The following FSIP2 variants were observed in gnomAD, a reference collection of about 807,000 sequenced individuals.
The protein encoded by FSIP2 is fibrous sheath-interacting protein 2.
In FSIP2, 367 loss-of-function variants were observed where a neutral mutation model predicts 510.5. The ratio of observed to expected loss-of-function variants is 0.72; its 90% confidence interval spans 0.66 to 0.78. FSIP2 has a LOEUF of 0.78. Among genes scored for constraint, FSIP2 ranks in the 30% least tolerant of loss-of-function variants. The pLI is 0.00. For synonymous variants in FSIP2, 2,601 were observed against 2,732.2 expected, an observed-to-expected ratio of 0.95 and a Z score of 1.50; for missense variants, 7,594 against 7,901.7, an observed-to-expected ratio of 0.96 and a Z score of 1.48.
chr2:185,770,499 G>A (rs1284327504), intron 13 of FSIP2, among the ~76,000 whole-genome samples: 2 of 152,026 alleles, frequency 1.3e-5, no homozygotes, highest in Admixed American at 6.6e-5. Flanking sequence ...TGGGTGCCAC[G>A]CTCTTAAACA....
chr2:185,757,965 T>G (rs1422423715), intron 9 of FSIP2, among the ~76,000 whole-genome samples: 2 of 151,140 alleles, frequency 1.3e-5, no homozygotes, highest in East Asian at 2.0e-4. Context: ...CTCCAACTAA[T>G]AATCCCAGAT....
chr2:185,796,461 A>G lies in FSIP2; in HGVS notation c.9325A>G (p.Ile3109Val). Residue 3109 changes from isoleucine (I) to valine (V), a missense_variant, in exon 16 of 23, where the codon ATT (isoleucine) becomes GTT (valine). Ile to Val is a conservative substitution (Grantham distance 29, BLOSUM62 3). Coordinates refer to ENST00000424728, the MANE Select transcript of FSIP2 (RefSeq NM_173651.4). ...NEISQMEPSS[I>V]SILKENIVAS... ...AATAAGCCAAATGGAACCATCTTCA[A>G]TTAGCATATTGAAAGAGAACATTGT... 1 of 1,535,026 alleles carries G rather than the reference A, an allele frequency of 6.5e-7. No individual in the cohort carries two copies. The highest frequency in any genetic ancestry group is 8.7e-7 in the Non-Finnish European group (1 of 1,146,224).
At position 185,797,107 on chromosome 2, in the gene FSIP2, T is replaced by G. The variant is rs1350261407; in HGVS notation, c.9971T>G (p.Leu3324Arg). Residue 3324 changes from leucine to arginine, a missense_variant, in exon 16 of 23, where the codon CTC becomes CGC. Physicochemically the swap from Leu to Arg is moderately radical, Grantham distance 102. Coordinates refer to ENST00000424728, the MANE Select transcript of FSIP2 (RefSeq NM_173651.4). Reference protein sequence around the residue: ...PNQIQTTISPLKICLAAENIV... With the variant: ...PNQIQTTISPRKICLAAENIV... ...CAAATTCAGACAACCATTTCCCCTC[T>G]CAAAATATGTTTAGCTGCAGAAAAT... is the stretch of plus-strand genomic sequence containing the variant. 1 of 1,534,996 alleles carries G rather than the reference T, an allele frequency of 6.5e-7. No homozygotes were observed. The highest frequency in any genetic ancestry group is 1.4e-5 in the African/African-American group (1 of 72,912).
intron 8 of FSIP2, among the ~76,000 whole-genome samples, chr2:185,755,494 GTTTAA>G (rs1559012503): frequency 1.3e-5 from 2 of 151,538 alleles, no homozygotes; most frequent in Admixed American, 6.6e-5. Context: ...ATGAAAATGA[GTTTAA>G]TTTATATTAT....
intron 13 of FSIP2, 33 bp from the exon 14 acceptor site, chr2:185,782,672 C>T: frequency 2.2e-6 from 3 of 1,341,502 alleles, no homozygotes; most frequent in Middle Eastern, 3.6e-4. Context: ...AGGATGGATA[C>T]AAACTATGTA....
chr2:185,821,283 A>C (rs1161914223), intron 19 of FSIP2, among the ~76,000 whole-genome samples: 1 of 151,900 alleles, frequency 6.6e-6, no homozygotes. Context: ...AGAAACAGTA[A>C]AGAAATTGAA....
At chr2:185,768,888 T>C (rs777600969) in intron 13 of FSIP2, among the ~76,000 whole-genome samples, 31 of 152,164 alleles carry the variant, frequency 2.0e-4, no homozygotes, top group Non-Finnish European at 3.2e-4. Context: ...CGGATTTGGT[T>C]TTCTGTTCCT....
Position 185,806,493 on chromosome 2 carries a change from T to C in FSIP2, c.17187T>C (p.Val5729=). The change falls in exon 17 of 23, where the codon GTT becomes GTC. Residue 5729 remains valine (V), a synonymous_variant. Transcript: ENST00000424728. ...TTAGCAGGGATTCGGCACAGTCTGT[T>C]ACAACAAAAAAAGTATCCTCCTCAA... ...QEISRDSAQS[V]TTKKVSSSTN... The C allele has an allele frequency of 6.2e-7, 1 of 1,604,218 alleles. No homozygotes were observed. The highest frequency in any genetic ancestry group is 8.5e-7 in the Non-Finnish European group (1 of 1,176,850).
At chr2:185,820,140 G>T (rs1693887817) in intron 19 of FSIP2, among the ~76,000 whole-genome samples, 2 of 151,914 alleles carry the variant, frequency 1.3e-5, no homozygotes, top group Non-Finnish European at 2.9e-5. Flanking sequence ...GAAGGACCAG[G>T]TGGAAGGTAA....
At position 185,811,004 on chromosome 2, in the gene FSIP2, T is replaced by C. The variant is rs528404053; in HGVS notation, c.19827+1871T>C. Among the ~76,000 whole-genome samples, 8 of 151,964 alleles carry C rather than the reference T, an allele frequency of 5.3e-5. No individual in the cohort carries two copies. The East Asian group carries it at 1.4e-3, about 26-fold the overall frequency. On this transcript the variant is annotated intron_variant, in intron 17 of 22. Coordinates refer to ENST00000424728, the MANE Select transcript of FSIP2 (RefSeq NM_173651.4). ...GTTCTGTGGAGTTTGAACATGTGAG[T>C]GATGACCTAGGATAGCTGGCAGAAG...
At chr2:185,745,998 T>C (rs1692021549) in intron 5 of FSIP2, among the ~76,000 whole-genome samples, 1 of 152,124 alleles carries the variant, frequency 6.6e-6, no homozygotes, top group Non-Finnish European at 1.5e-5. Flanking sequence ...GTAAGCTCAT[T>C]TAAATATGAC....
At chr2:185,784,755 C>G (rs1213365290) in intron 14 of FSIP2, among the ~76,000 whole-genome samples, 1 of 152,026 alleles carries the variant, frequency 6.6e-6, no homozygotes, top group Admixed American at 6.6e-5. Context: ...CCTAGATTCA[C>G]TGTTTTTCCT....
chr2:185,807,732 G>A lies in FSIP2; in HGVS notation c.18426G>A (p.Gln6142=). The change falls in exon 17 of 23, where the codon CAG becomes CAA. Residue 6142 remains glutamine (Q), a synonymous_variant. Transcript: ENST00000424728. The stretch of plus-strand genomic sequence containing the variant: ...TTTGTGGAGAGCTAACTCCACATCA[G>A]TGTGTGGAAGTTGAAAACATCGTTG... The part of the protein sequence containing the change: ...SYFCGELTPH[Q]CVEVENIVEK... 1 of 1,611,724 alleles carries A rather than the reference G, an allele frequency of 6.2e-7. No homozygotes were observed. Among genetic ancestry groups the A allele is most frequent in the Non-Finnish European group, 8.5e-7 (1 of 1,178,602 alleles).
chr2:185,800,327 G>A lies in FSIP2; in HGVS notation c.11021G>A (p.Ser3674Asn), dbSNP rs1347360072. Residue 3674 changes from serine (S) to asparagine (N), a missense_variant, in exon 17 of 23, where the codon AGT becomes AAT. Ser to Asn is a conservative substitution (Grantham distance 46). Coordinates refer to ENST00000424728, the MANE Select transcript of FSIP2 (RefSeq NM_173651.4). ...CAACTTTTTCAAAAAAATAAGTTAAGTTATCTTGCATGTAAGTTAAACAGC... is the reference window on the plus strand; with the variant it reads ...CAACTTTTTCAAAAAAATAAGTTAAATTATCTTGCATGTAAGTTAAACAGC... Reference protein sequence around the residue: ...IGQLFQKNKLSYLACKLNSLV... With the variant: ...IGQLFQKNKLNYLACKLNSLV... 1.3e-6 allele frequency: 2 copies of A among 1,533,396 alleles called. No homozygotes were observed. The highest frequency in any genetic ancestry group is 3.9e-5 in the Admixed American group (2 of 50,778). The allele number at this position is 1,533,396 out of a possible 1,614,324, so 95.0% of individuals were successfully genotyped here. A position where few individuals can be genotyped will look rare whatever the true frequency, so the allele number is the denominator to read the frequency against.
chr2:185,792,628 A>T lies in FSIP2; in HGVS notation c.5492A>T (p.Asp1831Val). The stretch of plus-strand genomic sequence containing the variant: ...GTTCAATTTATGGATAAAATGATGG[A>T]TCCTTTACTTTCGGAAGCAGATATA... The part of the protein sequence containing the change: ...TSVQFMDKMM[D>V]PLLSEADITI... Residue 1831 changes from aspartate to valine, a missense_variant, in exon 16 of 23, where the codon GAT becomes GTT. Physicochemically the swap from Asp to Val is radical, Grantham distance 152. Transcript: ENST00000424728. 1 of 1,534,184 alleles carries T rather than the reference A, an allele frequency of 6.5e-7. No homozygotes were observed. The highest frequency in any genetic ancestry group is 8.7e-7 in the Non-Finnish European group (1 of 1,145,596).
chr2:185,788,831 C>A lies in FSIP2; in HGVS notation c.1695C>A (p.Asp565Glu). 6.5e-7 allele frequency: 1 copy of A among 1,534,524 alleles called. No individual in the cohort carries two copies. The highest frequency in any genetic ancestry group is 8.7e-7 in the Non-Finnish European group (1 of 1,145,778). ...GTTTCTGTAGCACGTGCAGTGAAGA[C>A]TTTACATATAGAAGCTACACATCTG... ...SSSFCSTCSE[D>E]FTYRSYTSAT... The change falls in exon 16 of 23, where the codon GAC becomes GAA. Residue 565 changes from aspartate (D) to glutamate (E), a missense_variant. Asp to Glu is a conservative substitution (Grantham distance 45, BLOSUM62 2). Transcript: ENST00000424728.
chr2:185,784,405 A>C (rs974726373), intron 14 of FSIP2, among the ~76,000 whole-genome samples: 27 of 152,088 alleles, frequency 1.8e-4, no homozygotes. Flanking sequence ...TGTAATGGTC[A>C]AATTAGCATA....
rs1173597129 is a variant in FSIP2 at position 185,805,660 on chromosome 2, A to G, written c.16354A>G (p.Thr5452Ala). ...TCAATCATATAAAGATACTTCTTCC[A>G]CCCCAGATTGCAAAAACATGATGAG... ...PDQSYKDTSS[T>A]PDCKNMMSTL... is the part of the protein sequence containing the mutation. Residue 5452 changes from threonine (T) to alanine (A), a missense_variant, in exon 17 of 23, where the codon ACC becomes GCC. Coordinates refer to ENST00000424728, the MANE Select transcript of FSIP2 (RefSeq NM_173651.4). 2 of 1,610,636 alleles carry G rather than the reference A, an allele frequency of 1.2e-6. No homozygotes were observed. The highest frequency in any genetic ancestry group is 1.7e-6 in the Non-Finnish European group (2 of 1,178,492).
intron 19 of FSIP2, among the ~76,000 whole-genome samples, chr2:185,822,349 G>T (rs184301624): frequency 2.0e-5 from 3 of 151,984 alleles, no homozygotes; most frequent in Non-Finnish European, 2.9e-5. Flanking sequence ...TATAACTAAT[G>T]AATTAATTCA....
Sources: gnomAD v4.1 joint callset for allele counts (sites outside exome capture counted in the v4.1 genomes callset) on GRCh38, gnomAD v4.1.1 for gene constraint, MANE v1.5 for transcripts, NCBI Gene and HGNC (gene_info 2026-07-23, HGNC 2026-07-21) for gene names.